The following SHISA6 variants were observed in gnomAD, a reference collection of about 807,000 sequenced individuals.
SHISA6 encodes the protein protein shisa-6.
A neutral mutation model predicts 47.9 loss-of-function variants in SHISA6; 22 were observed. The ratio of observed to expected loss-of-function variants is 0.46; its 90% confidence interval spans 0.33 to 0.66. SHISA6 has a LOEUF of 0.66. Among genes scored for constraint, SHISA6 ranks in the 30% least tolerant of loss-of-function variants. SHISA6 has a pLI of 0.02. For synonymous variants in SHISA6, 388 were observed against 337.8 expected, an observed-to-expected ratio of 1.15 and a Z score of -1.63; for missense variants, 680 against 764.6, an observed-to-expected ratio of 0.89 and a Z score of 1.30.
At chr17:11,527,206 T>C (rs1307589275) in intron 3 of SHISA6, among the ~76,000 whole-genome samples, 1 of 152,140 alleles carries the variant, frequency 6.6e-6, no homozygotes, top group African/African-American at 2.4e-5. Flanking sequence ...GAATGATGGA[T>C]GAGTCTTGGC....
At chr17:11,332,012 A>C in intron 2 of SHISA6, among the ~76,000 whole-genome samples, 2 of 150,948 alleles carry the variant, frequency 1.3e-5, no homozygotes, top group Admixed American at 6.6e-5. Flanking sequence ...GTTCTCATCC[A>C]TCTTACTCTG....
chr17:11,433,691 CA>C (rs1914854932), intron 3 of SHISA6, among the ~76,000 whole-genome samples: 1 of 152,006 alleles, frequency 6.6e-6, no homozygotes, highest in Non-Finnish European at 1.5e-5. Context: ...AGAAAACCTC[CA>C]AAAAATGATC....
chr17:11,313,539 G>A (rs1910404784), intron 2 of SHISA6, among the ~76,000 whole-genome samples: 1 of 152,160 alleles, frequency 6.6e-6, no homozygotes, highest in Admixed American at 6.5e-5. Flanking sequence ...CAAATTGGAA[G>A]CAAACTATGA....
chr17:11,469,218 A>T (rs1482508650), intron 3 of SHISA6, among the ~76,000 whole-genome samples: 1 of 151,980 alleles, frequency 6.6e-6, no homozygotes, highest in Non-Finnish European at 1.5e-5. Context: ...ATATTGGAAG[A>T]TGGTCCTGAA....
chr17:11,374,299 T>C (rs1163309821), intron 2 of SHISA6, among the ~76,000 whole-genome samples: 2 of 152,178 alleles, frequency 1.3e-5, no homozygotes, highest in African/African-American at 2.4e-5. Flanking sequence ...TAAATATACA[T>C]TTTTAGTCTT....
At chr17:11,353,454 TAAA>T (rs531371915) in intron 2 of SHISA6, among the ~76,000 whole-genome samples, 5 of 126,290 alleles carry the variant, frequency 4.0e-5, no homozygotes, top group Admixed American at 8.0e-5. Context: ...AGACTCCGTC[TAAA>T]AAAAAAAAAA....
chr17:11,362,118 T>C (rs374754664), intron 2 of SHISA6, among the ~76,000 whole-genome samples: 51 of 152,256 alleles, frequency 3.3e-4, no homozygotes, highest in African/African-American at 1.1e-3. Flanking sequence ...TCTCCATTCC[T>C]GGGTTCATAT....
chr17:11,260,732 C>T (rs1229129384), intron 1 of SHISA6, among the ~76,000 whole-genome samples: 2 of 151,790 alleles, frequency 1.3e-5, no homozygotes, highest in Non-Finnish European at 2.9e-5. Flanking sequence ...TTTCAGACCC[C>T]CTCTCACTCT....
At position 11,263,395 on chromosome 17, in the gene SHISA6, G is replaced by A; in HGVS notation, c.668G>A (p.Gly223Glu). The stretch of plus-strand genomic sequence containing the variant: ...CTGGCTGACATCTTAAGACAACAGG[G>A]ACCAATCCCCATAGCACACTGTGAA... ...RALADILRQQGPIPIAHCERE... is the reference protein window; with the variant it reads ...RALADILRQQEPIPIAHCERE... Residue 223 changes from glycine (G) to glutamate (E), a missense_variant, in exon 2 of 6, where the codon GGA becomes GAA. Around this residue, in one of 2 missense-constraint regions of SHISA6, gnomAD observed 559 missense variants for 674.1 expected, o/e 0.83. Coordinates refer to ENST00000441885, the MANE Select transcript of SHISA6 (RefSeq NM_207386.4). The A allele has an allele frequency of 1.3e-6, 2 of 1,552,062 alleles. No homozygotes were observed. Among genetic ancestry groups the A allele is most frequent in the African/African-American group, 1.4e-5 (1 of 73,122 alleles).
chr17:11,311,279 C>CAAAAA (rs200852475), intron 2 of SHISA6, among the ~76,000 whole-genome samples: 1 of 52,424 alleles, frequency 1.9e-5, no homozygotes, highest in Admixed American at 2.0e-4. Context: ...AAGACTTCGT[C>CAAAAA]AAAAAAAAAA....
intron 3 of SHISA6, among the ~76,000 whole-genome samples, chr17:11,520,710 T>C (rs2071622696): frequency 6.6e-6 from 1 of 152,118 alleles, no homozygotes; most frequent in African/African-American, 2.4e-5. Flanking sequence ...TCTAACCCAA[T>C]GTCCATTTGC....
chr17:11,544,015 CAA>C (rs529028800), intron 3 of SHISA6, among the ~76,000 whole-genome samples: 5 of 117,668 alleles, frequency 4.2e-5, no homozygotes, highest in African/African-American at 6.3e-5. Flanking sequence ...TATTCATAAG[CAA>C]AAAAAAAAAG....
intron 1 of SHISA6, among the ~76,000 whole-genome samples, chr17:11,258,290 T>C (rs764025979): frequency 1.8e-4 from 27 of 152,202 alleles, no homozygotes; most frequent in Non-Finnish European, 3.4e-4. Context: ...TTTTCTCCTT[T>C]CCACAGCATT....
intron 2 of SHISA6, among the ~76,000 whole-genome samples, chr17:11,273,097 C>T (rs1220993203): frequency 1.3e-5 from 2 of 152,208 alleles, no homozygotes; most frequent in Non-Finnish European, 2.9e-5. Flanking sequence ...CTATCTAATT[C>T]TTGTAACAAG....
intron 3 of SHISA6, among the ~76,000 whole-genome samples, chr17:11,520,984 G>C (rs1032292604): frequency 6.6e-6 from 1 of 152,196 alleles, no homozygotes; most frequent in African/African-American, 2.4e-5. Flanking sequence ...AAACCCCTGA[G>C]AGAGTTTTCA....
chr17:11,459,289 T>A (rs1915641107), intron 3 of SHISA6, among the ~76,000 whole-genome samples: 1 of 150,712 alleles, frequency 6.6e-6, no homozygotes. Context: ...CATGAAGCCC[T>A]CCCCTACCCT....
intron 3 of SHISA6, among the ~76,000 whole-genome samples, chr17:11,480,389 TTGAGTGAA>T (rs60178372): frequency 0.27 from 41,558 of 151,720 alleles, 5,719 homozygotes; most frequent in African/African-American, 0.32. Context: ...TAAATACTCA[TTGAGTGAA>T]TGAGTGAATG....
At chr17:11,442,048 T>C (rs925259986) in intron 3 of SHISA6, among the ~76,000 whole-genome samples, 2 of 152,236 alleles carry the variant, frequency 1.3e-5, no homozygotes, top group African/African-American at 4.8e-5. Context: ...GGAGCCCTTC[T>C]GTCTTCCATT....
chr17:11,313,628 C>G (rs1910407881), intron 2 of SHISA6, among the ~76,000 whole-genome samples: 1 of 152,110 alleles, frequency 6.6e-6, no homozygotes, highest in African/African-American at 2.4e-5. Flanking sequence ...GGGAAGCCCT[C>G]CCTGGGGAGG....
Sources: allele counts gnomAD v4.1 joint callset (sites outside exome capture counted in the v4.1 genomes callset), GRCh38; gene constraint gnomAD v4.1.1; regional missense constraint gnomAD v4.1.1; transcripts MANE v1.5; gene names NCBI Gene and HGNC (gene_info 2026-07-23, HGNC 2026-07-21).